The following GBX1 variants were observed in gnomAD, a reference collection of about 807,000 sequenced individuals.
GBX1 encodes the protein homeobox protein GBX-1.
GBX1 carries 9 observed loss-of-function variants against 22.9 expected under a neutral mutation model. The ratio of observed to expected loss-of-function variants is 0.39; its 90% CI spans 0.24 to 0.69. The LOEUF is 0.69. Ranked by LOEUF, GBX1 falls within the 30% of genes least tolerant of loss-of-function variation. The pLI is 0.43. For synonymous variants in GBX1, 203 were observed against 227.3 expected, an observed-to-expected ratio of 0.89 and a Z score of 0.96; for missense variants, 494 against 509.2, an observed-to-expected ratio of 0.97 and a Z score of 0.29.
intron 1 of GBX1, among the ~76,000 whole-genome samples, chr7:151,158,052 A>G (rs1396622613): frequency 2.0e-5 from 3 of 152,184 alleles, no homozygotes; most frequent in African/African-American, 7.2e-5. Context: ...CACTACTTAC[A>G]TTTCTGAATC....
chr7:151,166,489 C>A (rs1420726616), intron 1 of GBX1, among the ~76,000 whole-genome samples: 5 of 112,106 alleles, frequency 4.5e-5, no homozygotes, highest in South Asian at 5.8e-4. Flanking sequence ...CCCCCCCCAA[C>A]ACACACACAC....
intron 1 of GBX1, among the ~76,000 whole-genome samples, chr7:151,151,929 C>T (rs995734773): frequency 6.6e-6 from 1 of 152,206 alleles, no homozygotes; most frequent in African/African-American, 2.4e-5. Context: ...TTATCAGTGA[C>T]ACCTCCCCTG....
chr7:151,167,003 G>C lies in GBX1; in HGVS notation c.538+8C>G. The C allele has an allele frequency of 6.2e-7, 1 of 1,604,948 alleles. No homozygotes were observed. The highest frequency in any genetic ancestry group is 1.1e-5 in the South Asian group (1 of 89,790). On this transcript the variant is annotated splice_region_variant and intron_variant, in intron 1 of 1. Coordinates refer to ENST00000297537, the MANE Select transcript of GBX1 (RefSeq NM_001098834.3). The surrounding 1 kb of genome is among the most constrained non-coding windows in gnomAD (Gnocchi z 5.9). ...CTCCCGCCAGCCCTGGTCGGCCCTA[G>C]CACTTACCGGGCAGACTTGGAAAAG...
chr7:151,166,892 AG>A, intron 1 of GBX1, 118 bp downstream of exon 1: 1 of 975,160 alleles, frequency 1.0e-6, no homozygotes, highest in Non-Finnish European at 1.6e-6. Context: ...CGCGATCTAA[AG>A]GTCTGGGACT....
chr7:151,150,055 G>A, intron 1 of GBX1: 1 of 403,610 alleles, frequency 2.5e-6, no homozygotes, highest in Non-Finnish European at 5.0e-6. Flanking sequence ...GGAGGAAGAG[G>A]GAAAAGTGCA....
Position 151,167,375 on chromosome 7 carries a change from C to A in GBX1, c.174G>T (p.Pro58=). The A allele has an allele frequency of 6.6e-7, 1 of 1,511,400 alleles. No individual in the cohort carries two copies. 93.6% of individuals were successfully genotyped at this position (1,511,400 alleles called of 1,614,324 possible). ...GCAGCGGCGCAGGGGCCAGCGCCTG[C>A]GGCAGCACGAGCGGCCGGTAGGGCA... ...MFMPYRPLVL[P]QALAPAPLPA... Residue 58 remains proline, a synonymous_variant, in exon 1 of 2, where the codon CCG becomes CCT. Coordinates refer to ENST00000297537, the MANE Select transcript of GBX1 (RefSeq NM_001098834.3). The surrounding 1 kb of genome is among the most constrained non-coding windows in gnomAD (Gnocchi z 5.9).
At position 151,148,707 on chromosome 7, in the gene GBX1, C is replaced by T. The variant is rs779363227; in HGVS notation, c.974G>A (p.Ser325Asn). The T allele has an allele frequency of 1.9e-6, 3 of 1,614,060 alleles. No homozygotes were observed. The East Asian group carries it at 6.7e-5, about 36-fold the overall frequency. The change falls in exon 2 of 2, where the codon AGC (serine) becomes AAC (asparagine). Residue 325 changes from serine (S) to asparagine (N), a missense_variant. Physicochemically the swap from Ser to Asn is conservative, Grantham distance 46 (BLOSUM62 1). This residue lies in a region of GBX1 where 124 missense variants were observed against 152.0 expected (regional missense o/e 0.82). Transcript: ENST00000297537. The surrounding 1 kb of genome is among the most constrained non-coding windows in gnomAD (Gnocchi z 5.1). Reference sequence around the variant, plus strand: ...TCTTACGGGCTCCCCAGAACGGCTGCTCACATTGCCAGCTTTGATGCGCTT... The same window carrying T: ...TCTTACGGGCTCCCCAGAACGGCTGTTCACATTGCCAGCTTTGATGCGCTT... ...KWKRIKAGNV[S>N]SRSGEPVRNP...
chr7:151,152,109 A>C (rs1801086563), intron 1 of GBX1, among the ~76,000 whole-genome samples: 1 of 152,222 alleles, frequency 6.6e-6, no homozygotes, highest in Non-Finnish European at 1.5e-5. Context: ...CATTCACTGC[A>C]ATATCTTCAG....
chr7:151,166,098 A>C (rs1020766221), intron 1 of GBX1, among the ~76,000 whole-genome samples: 4 of 152,168 alleles, frequency 2.6e-5, no homozygotes, highest in Non-Finnish European at 5.9e-5. Context: ...GAACACCTGA[A>C]TCTGTCTAGC....
Position 151,167,416 on chromosome 7 carries a change from C to T in GBX1, c.133G>A (p.Gly45Ser), listed in dbSNP as rs1336602978. 1.3e-6 allele frequency: 2 copies of T among 1,517,738 alleles called. No individual in the cohort carries two copies. Among genetic ancestry groups the T allele is most frequent in the Admixed American group, 4.2e-5 (2 of 47,922 alleles). 94.0% of individuals were successfully genotyped at this position (1,517,738 alleles called of 1,614,324 possible). A position where few individuals can be genotyped will look rare whatever the true frequency, so the allele number is the denominator to read the frequency against. The change falls in exon 1 of 2, where the codon GGC (glycine) becomes AGC (serine). Residue 45 changes from glycine to serine, a missense_variant. Coordinates refer to ENST00000297537, the MANE Select transcript of GBX1 (RefSeq NM_001098834.3). The surrounding 1 kb of genome is among the most constrained non-coding windows in gnomAD (Gnocchi z 5.9). ...CGGTAGGGCATGAACATGGGGTAGC[C>T]GGTGTACAGCAAGTGGCCGGAGCGC... ...PPRSGHLLYT[G>S]YPMFMPYRPL...
chr7:151,148,256 G>A lies in GBX1; in HGVS notation c.*333C>T, dbSNP rs1348823206. On this transcript the variant is annotated 3_prime_UTR_variant, in exon 2 of 2. Coordinates refer to ENST00000297537, the MANE Select transcript of GBX1 (RefSeq NM_001098834.3). The surrounding 1 kb of genome is among the most constrained non-coding windows in gnomAD (Gnocchi z 5.1). ...CATCAGAAGCTGTTCCAGGGCATTT[G>A]CCACAGAACCTTCAGGCCTTAGGCA... 6.6e-6 allele frequency among the ~76,000 whole-genome samples: 1 copy of A among 152,170 alleles called. No homozygotes were observed. Among genetic ancestry groups the A allele is most frequent in the Non-Finnish European group, 1.5e-5 (1 of 68,026 alleles).
chr7:151,148,619 G>C lies in GBX1; in HGVS notation c.1062C>G (p.His354Gln). Residue 354 changes from histidine to glutamine, a missense_variant, in exon 2 of 2, where the codon CAC becomes CAG. Coordinates refer to ENST00000297537, the MANE Select transcript of GBX1 (RefSeq NM_001098834.3). This position sits in a 1 kb window ranked among gnomAD's most constrained non-coding sequence, Gnocchi z 5.1. ...GCCGGGCCCCCTGCTCCATTTGTTG[G>C]TGCTGGCTCCGCACAGCAAACCTGT... is the stretch of plus-strand genomic sequence containing the variant. ...HVNRFAVRSQ[H>Q]QQMEQGARP is the part of the protein sequence containing the mutation. 1 of 1,613,962 alleles carries C rather than the reference G, an allele frequency of 6.2e-7. No homozygotes were observed. The highest frequency in any genetic ancestry group is 8.5e-7 in the Non-Finnish European group (1 of 1,179,908).
At position 151,167,171 on chromosome 7, in the gene GBX1, G is replaced by GGCA. The variant is rs749266826; in HGVS notation, c.375_377dup (p.Ala130dup). 3.8e-6 allele frequency: 6 copies of GGCA among 1,580,562 alleles called. No homozygotes were observed. The East Asian group carries it at 1.2e-4, about 31-fold the overall frequency. ...TTCGGGCGGCAGTGGCGGCGGCGGC[G>GGCA]GCAGCGGCGGCGGCGAGCTCCTGGG... is the stretch of plus-strand genomic sequence containing the variant. On this transcript the variant is annotated inframe_insertion, in exon 1 of 2. Transcript: ENST00000297537. The surrounding 1 kb of genome is among the most constrained non-coding windows in gnomAD (Gnocchi z 5.9).
At chr7:151,158,342 C>A (rs1801157892) in intron 1 of GBX1, among the ~76,000 whole-genome samples, 1 of 152,140 alleles carries the variant, frequency 6.6e-6, no homozygotes, top group South Asian at 2.1e-4. Flanking sequence ...TCTCAACCCA[C>A]CTGAGTGTGA....
Position 151,167,012 on chromosome 7 carries a change from G to T in GBX1, c.537C>A (p.Pro179=), listed in dbSNP as rs375522842. 6.2e-7 allele frequency: 1 copy of T among 1,604,048 alleles called. No homozygotes were observed. Among genetic ancestry groups the T allele is most frequent in the African/African-American group, 1.4e-5 (1 of 73,156 alleles). ...GCCCTGGTCGGCCCTAGCACTTACCGGGCAGACTTGGAAAAGTCTCTGAGA... is the reference window on the plus strand; with the variant it reads ...GCCCTGGTCGGCCCTAGCACTTACCTGGCAGACTTGGAAAAGTCTCTGAGA... ...PHFSETFPSL[P]AEGKVYSSDE... Residue 179 remains proline (P), a splice_region_variant and synonymous_variant, in exon 1 of 2, where the codon CCC becomes CCA. Transcript: ENST00000297537. This position sits in a 1 kb window ranked among gnomAD's most constrained non-coding sequence, Gnocchi z 5.9.
intron 1 of GBX1, among the ~76,000 whole-genome samples, chr7:151,165,638 C>G (rs867954258): frequency 1.3e-5 from 2 of 152,270 alleles, no homozygotes; most frequent in Middle Eastern, 3.4e-3. Flanking sequence ...CTTATGATCC[C>G]CCTTAGAAGA....
At chr7:151,158,357 G>A (rs1801158026) in intron 1 of GBX1, among the ~76,000 whole-genome samples, 3 of 152,112 alleles carry the variant, frequency 2.0e-5, no homozygotes, top group Admixed American at 2.0e-4. Flanking sequence ...GTGTGAATTA[G>A]TTTAATCCAG....
intron 1 of GBX1, among the ~76,000 whole-genome samples, chr7:151,153,302 C>T (rs1801098885): frequency 6.6e-6 from 1 of 152,236 alleles, no homozygotes; most frequent in Admixed American, 6.5e-5. Context: ...CATTTGCTCT[C>T]TGCTGCCCCA....
chr7:151,160,187 T>C (rs761785806), intron 1 of GBX1, among the ~76,000 whole-genome samples: 5 of 152,234 alleles, frequency 3.3e-5, no homozygotes, highest in Non-Finnish European at 4.4e-5. Flanking sequence ...CTAATTTTAC[T>C]GATGAGGAAG....
Sources: gnomAD v4.1 joint callset for allele counts (sites outside exome capture counted in the v4.1 genomes callset) on GRCh38, gnomAD v4.1.1 for gene constraint, gnomAD v4.1.1 regional missense constraint, Gnocchi (gnomAD v3.1) non-coding constraint, MANE v1.5 for transcripts, NCBI Gene and HGNC (gene_info 2026-07-23, HGNC 2026-07-21) for gene names.